The following ZNRF3 variants were observed in gnomAD, a reference collection of about 807,000 sequenced individuals.
The protein encoded by ZNRF3 is E3 ubiquitin-protein ligase ZNRF3.
In ZNRF3, 23 loss-of-function variants were observed where a neutral mutation model predicts 72.5. The observed-to-expected ratio is 0.32, with a 90% confidence interval of 0.23 to 0.45. The LOEUF (loss-of-function observed/expected upper bound fraction) is 0.45. ZNRF3 is among the 20% of genes least tolerant of loss of function. ZNRF3 has a pLI of 1.00. For missense variants in ZNRF3, 1,169 were observed against 1,272.1 expected (o/e 0.92, Z 1.23); for synonymous variants, 610 against 545.3 (o/e 1.12, Z -1.65).
chr22:28,997,362 G>A (rs1273493649), intron 2 of ZNRF3, among the ~76,000 whole-genome samples: 2 of 150,886 alleles, frequency 1.3e-5, no homozygotes, highest in African/African-American at 4.9e-5. Context: ...GGGATACTTG[G>A]CAATGTCTGG....
chr22:28,980,250 T>C (rs1365387616), intron 1 of ZNRF3, among the ~76,000 whole-genome samples: 1 of 152,148 alleles, frequency 6.6e-6, no homozygotes, highest in East Asian at 1.9e-4. Flanking sequence ...GAATGGATTA[T>C]GGGAAATTAC....
rs2037178602 is a variant in ZNRF3, at chr22:29,050,426, G to A, written c.2245G>A (p.Glu749Lys). Reference protein sequence around the residue: ...LYEGSGPAGGEPQSGSSQGLY... With the variant: ...LYEGSGPAGGKPQSGSSQGLY... ...CGAGGGCTCTGGCCCGGCGGGTGGG[G>A]AGCCCCAGTCAGGAAGCTCCCAGGG... The change falls in exon 8 of 9, where the codon GAG becomes AAG. Residue 749 changes from glutamate (E) to lysine (K), a missense_variant. Glu to Lys is a moderately conservative substitution (Grantham distance 56, BLOSUM62 1). Around this residue, in one of 2 missense-constraint regions of ZNRF3, gnomAD observed 783 missense variants for 731.4 expected, o/e 1.07. Transcript: ENST00000544604. The A allele has an allele frequency of 6.2e-7, 1 of 1,608,588 alleles. No homozygotes were observed. The highest frequency in any genetic ancestry group is 1.1e-5 in the South Asian group (1 of 90,954).
chr22:29,022,137 A>G (rs533718635), intron 2 of ZNRF3, among the ~76,000 whole-genome samples: 1 of 152,356 alleles, frequency 6.6e-6, no homozygotes, highest in Admixed American at 6.5e-5. Context: ...TTGACGCAGC[A>G]TAATTATTTT....
At chr22:28,957,686 G>T (rs998211096) in intron 1 of ZNRF3, among the ~76,000 whole-genome samples, 1 of 151,734 alleles carries the variant, frequency 6.6e-6, no homozygotes, top group Non-Finnish European at 1.5e-5. Flanking sequence ...TGATCCGCTC[G>T]CCTCGGCCTC....
At chr22:29,047,355 C>T (rs1311724861) in intron 6 of ZNRF3, among the ~76,000 whole-genome samples, 1 of 152,202 alleles carries the variant, frequency 6.6e-6, no homozygotes, top group Non-Finnish European at 1.5e-5. Context: ...CACATTTGCT[C>T]ACTCTCCCTC....
chr22:28,943,386 ATGT>A (rs142961999), intron 1 of ZNRF3, among the ~76,000 whole-genome samples: 88 of 152,208 alleles, frequency 5.8e-4, no homozygotes, highest in African/African-American at 2.1e-3. Flanking sequence ...GTTGTCTCTC[ATGT>A]TGGATTATAG....
chr22:29,051,484 G>T (rs1357686896), intron 8 of ZNRF3, among the ~76,000 whole-genome samples: 1 of 151,918 alleles, frequency 6.6e-6, no homozygotes, highest in Non-Finnish European at 1.5e-5. Context: ...GGTGCCTGTA[G>T]TCCCAGCTAC....
rs546115353 is a variant in ZNRF3, at chr22:28,982,383, C to T, written c.301-4693C>T. Among the ~76,000 whole-genome samples, 8 of 145,894 alleles carry T rather than the reference C, an allele frequency of 5.5e-5. No individual in the cohort carries two copies. The East Asian group carries it at 8.1e-4, about 15-fold the overall frequency. On this transcript the variant is annotated intron_variant, in intron 1 of 8. Transcript: ENST00000544604. ...GAGGCTGAGGCGGAAGGATTGCTTG[C>T]GCCTAGGAGTTCAAGACCAGCCTGG...
At chr22:29,036,486 C>G (rs978517343) in intron 2 of ZNRF3, among the ~76,000 whole-genome samples, 1 of 152,218 alleles carries the variant, frequency 6.6e-6, no homozygotes, top group Non-Finnish European at 1.5e-5. Flanking sequence ...CTCAAACTCA[C>G]TTCTTTCTCC....
intron 1 of ZNRF3, among the ~76,000 whole-genome samples, chr22:28,968,073 C>T (rs1432262709): frequency 6.6e-6 from 1 of 152,112 alleles, no homozygotes. Context: ...GCCACCACTC[C>T]AACACCCTTC....
Position 28,883,729 on chromosome 22 carries a change from G to A in ZNRF3, c.-38G>A, listed in dbSNP as rs2033709513. The stretch of plus-strand genomic sequence containing the variant: ...CCTCAGCCGGCCCGCGACTATGCCC[G>A]GCCGCGCCCGCCCTCCGCGCCCTCC... On this transcript the variant is annotated 5_prime_UTR_variant, in exon 1 of 9. Transcript: ENST00000544604. This position sits in a 1 kb window ranked among gnomAD's most constrained non-coding sequence, Gnocchi z 5.5. 1 of 982,356 alleles carries A rather than the reference G, an allele frequency of 1.0e-6. No individual in the cohort carries two copies. The highest frequency in any genetic ancestry group is 1.2e-6 in the Non-Finnish European group (1 of 828,376). 60.9% of individuals were successfully genotyped at this position (982,356 alleles called of 1,614,324 possible). A position where few individuals can be genotyped will look rare whatever the true frequency, so the allele number is the denominator to read the frequency against.
At chr22:28,908,011 T>C (rs2034244094) in intron 1 of ZNRF3, among the ~76,000 whole-genome samples, 1 of 152,258 alleles carries the variant, frequency 6.6e-6, no homozygotes, top group African/African-American at 2.4e-5. Context: ...GCTCTACTTT[T>C]GGATCATGAA....
chr22:28,893,952 A>G (rs1012405712), intron 1 of ZNRF3, among the ~76,000 whole-genome samples: 2 of 151,352 alleles, frequency 1.3e-5, no homozygotes, highest in Non-Finnish European at 2.9e-5. Context: ...TTTCTACACA[A>G]TAGCCCTGCT....
intron 1 of ZNRF3, among the ~76,000 whole-genome samples, chr22:28,927,389 A>G (rs977554530): frequency 6.6e-6 from 1 of 152,188 alleles, no homozygotes; most frequent in African/African-American, 2.4e-5. Flanking sequence ...CCCTGTCTCT[A>G]CCAAAACAAA....
At chr22:29,001,111 C>T (rs1416607894) in intron 2 of ZNRF3, among the ~76,000 whole-genome samples, 1 of 139,330 alleles carries the variant, frequency 7.2e-6, no homozygotes, top group Non-Finnish European at 1.5e-5. Context: ...GTCTGTTGCC[C>T]AGGCTGGAGT....
At chr22:28,905,531 A>G (rs1316686606) in intron 1 of ZNRF3, among the ~76,000 whole-genome samples, 1 of 152,220 alleles carries the variant, frequency 6.6e-6, no homozygotes, top group Non-Finnish European at 1.5e-5. Context: ...AAAAAGAAAA[A>G]GGAAACTTTG....
chr22:28,926,120 C>G (rs2034595847), intron 1 of ZNRF3, among the ~76,000 whole-genome samples: 1 of 152,200 alleles, frequency 6.6e-6, no homozygotes, highest in Admixed American at 6.5e-5. Flanking sequence ...CTCACATTTC[C>G]TAAAGCCTAC....
At chr22:29,022,062 G>A (rs2036551619) in intron 2 of ZNRF3, among the ~76,000 whole-genome samples, 1 of 152,098 alleles carries the variant, frequency 6.6e-6, no homozygotes, top group Admixed American at 6.5e-5. Context: ...CTGTAGACAA[G>A]TTTGCATTTT....
intron 1 of ZNRF3, among the ~76,000 whole-genome samples, chr22:28,940,023 A>G (rs2034913239): frequency 6.6e-6 from 1 of 152,242 alleles, no homozygotes; most frequent in African/African-American, 2.4e-5. Context: ...GGAAAGATTT[A>G]TGTTGATATT....
Sources: allele counts gnomAD v4.1 joint callset (sites outside exome capture counted in the v4.1 genomes callset), GRCh38; gene constraint gnomAD v4.1.1; regional missense constraint gnomAD v4.1.1; non-coding constraint Gnocchi (gnomAD v3.1); transcripts MANE v1.5; gene names NCBI Gene and HGNC (gene_info 2026-07-23, HGNC 2026-07-21).